Variants in PLXDC2 observed in about 807,000 individuals in gnomAD.
The protein encoded by PLXDC2 is plexin domain-containing protein 2.
PLXDC2 carries 40 observed loss-of-function variants against 68.9 expected under a neutral mutation model. The observed-to-expected ratio is 0.58, with a 90% CI of 0.45 to 0.76. The LOEUF (loss-of-function observed/expected upper bound fraction) is 0.76. Ranked by LOEUF, PLXDC2 falls within the 30% of genes least tolerant of loss-of-function variation. The probability of loss-of-function intolerance (pLI) is 0.00; values close to 1 mark genes in which losing one functional copy is unlikely to be tolerated. For missense variants in PLXDC2, 644 were observed against 661.9 expected (o/e 0.97, Z 0.30); for synonymous variants, 243 against 234.2 (o/e 1.04, Z -0.34).
intron 4 of PLXDC2, among the ~76,000 whole-genome samples, chr10:20,105,657 C>T (rs1833482160): frequency 1.3e-5 from 2 of 152,124 alleles, no homozygotes; most frequent in Non-Finnish European, 2.9e-5. Flanking sequence ...CCCCTACCCC[C>T]ACCTCACCTT....
chr10:19,994,250 C>G (rs71482205), intron 1 of PLXDC2, among the ~76,000 whole-genome samples: 1 of 56,980 alleles, frequency 1.8e-5, no homozygotes, highest in Non-Finnish European at 3.4e-5. Context: ...CCATTGTATT[C>G]TCCTTTTTTT....
At chr10:19,860,793 G>A (rs559091622) in intron 1 of PLXDC2, among the ~76,000 whole-genome samples, 10 of 152,216 alleles carry the variant, frequency 6.6e-5, no homozygotes, top group East Asian at 1.9e-4. Context: ...TCTCTTTTGC[G>A]TTGCAAGCAT....
At position 19,974,702 on chromosome 10, in the gene PLXDC2, A is replaced by G. The variant is rs79659704; in HGVS notation, c.113-27073A>G. Among the ~76,000 whole-genome samples, 199 of 152,332 alleles carry G rather than the reference A, an allele frequency of 1.3e-3. 1 individual carries two copies. In the East Asian group the frequency reaches 0.034, roughly 26 times the overall value. On this transcript the variant is annotated intron_variant, in intron 1 of 13. Transcript: ENST00000377252. ...AGCCACTTATAAACGCTGTAAGGGC[A>G]GGGACCGGGTCTGGTTTGCTTACCA...
At chr10:19,908,176 C>T (rs1165504793) in intron 1 of PLXDC2, among the ~76,000 whole-genome samples, 1 of 151,962 alleles carries the variant, frequency 6.6e-6, no homozygotes, top group Non-Finnish European at 1.5e-5. Context: ...TGTTATTATA[C>T]CACAAAATTT....
chr10:20,265,934 C>T (rs1487473142), intron 13 of PLXDC2, among the ~76,000 whole-genome samples: 1 of 152,070 alleles, frequency 6.6e-6, no homozygotes, highest in Non-Finnish European at 1.5e-5. Flanking sequence ...ATACGGTCCC[C>T]GGAGAATGGA....
At chr10:19,995,022 C>T (rs149431602) in intron 1 of PLXDC2, among the ~76,000 whole-genome samples, 19 of 152,228 alleles carry the variant, frequency 1.2e-4, no homozygotes, top group East Asian at 1.2e-3. Context: ...GGATTACAGG[C>T]GTGAGCCACA....
At chr10:19,892,494 A>T (rs1837982733) in intron 1 of PLXDC2, among the ~76,000 whole-genome samples, 1 of 152,184 alleles carries the variant, frequency 6.6e-6, no homozygotes, top group African/African-American at 2.4e-5. Context: ...ATGCAGGAAG[A>T]CTTCAGATGT....
rs764492882 is a variant in PLXDC2, at chr10:20,008,484, C to T, written c.324+6498C>T. ...AGGAGAACTGCTTGAACCTGGGAGGCGGAAGTTGCAGTGAGCCGAGATCGT... is the reference window on the plus strand; with the variant it reads ...AGGAGAACTGCTTGAACCTGGGAGGTGGAAGTTGCAGTGAGCCGAGATCGT... On this transcript the variant is annotated intron_variant, in intron 2 of 13. Coordinates refer to ENST00000377252, the MANE Select transcript of PLXDC2 (RefSeq NM_032812.9). Among the ~76,000 whole-genome samples the T allele has an allele frequency of 2.6e-5, 4 of 151,992 alleles. No individual in the cohort carries two copies. In the South Asian group the frequency reaches 8.3e-4, roughly 32 times the overall value.
chr10:19,865,093 G>T (rs1837389520), intron 1 of PLXDC2, among the ~76,000 whole-genome samples: 1 of 152,180 alleles, frequency 6.6e-6, no homozygotes, highest in Admixed American at 6.5e-5. Flanking sequence ...TTCTTCTTTA[G>T]TTGTTTTAAC....
intron 1 of PLXDC2, among the ~76,000 whole-genome samples, chr10:19,951,695 A>G (rs1833994980): frequency 6.6e-6 from 1 of 152,220 alleles, no homozygotes; most frequent in Non-Finnish European, 1.5e-5. Flanking sequence ...AGACACTTGT[A>G]CTTGTATGTT....
intron 4 of PLXDC2, among the ~76,000 whole-genome samples, chr10:20,082,050 AAAAAAAAAAAAATC>A (rs1487124767): frequency 7.0e-5 from 10 of 142,018 alleles, no homozygotes; most frequent in African/African-American, 2.1e-4. Flanking sequence ...CATCTGAAAA[AAAAAAAAAAAAATC>A]AAAAAAAAAA....
intron 1 of PLXDC2, among the ~76,000 whole-genome samples, chr10:19,874,839 G>A (rs914804690): frequency 1.3e-5 from 2 of 152,156 alleles, no homozygotes; most frequent in African/African-American, 4.8e-5. Context: ...GGGATATCTG[G>A]CCCGACTGTC....
At chr10:19,847,994 G>A (rs1000991961) in intron 1 of PLXDC2, among the ~76,000 whole-genome samples, 13 of 152,040 alleles carry the variant, frequency 8.6e-5, no homozygotes, top group African/African-American at 3.1e-4. Flanking sequence ...GAACAAAATA[G>A]TCCCCTACCC....
At chr10:19,972,859 G>A (rs1834377951) in intron 1 of PLXDC2, among the ~76,000 whole-genome samples, 1 of 152,116 alleles carries the variant, frequency 6.6e-6, no homozygotes, top group Non-Finnish European at 1.5e-5. Context: ...GCTTTTTACT[G>A]CACTGATGAA....
chr10:19,976,279 T>G (rs1052201931), intron 1 of PLXDC2, among the ~76,000 whole-genome samples: 3 of 152,106 alleles, frequency 2.0e-5, no homozygotes, highest in Non-Finnish European at 4.4e-5. Context: ...AGTGGTGCGA[T>G]CTTGGCTCAC....
chr10:19,931,519 T>C (rs1265633401), intron 1 of PLXDC2, among the ~76,000 whole-genome samples: 2 of 152,202 alleles, frequency 1.3e-5, no homozygotes, highest in Non-Finnish European at 2.9e-5. Flanking sequence ...TTTAAAGGAA[T>C]CCTTCAGCAA....
At chr10:20,279,664 C>A (rs759204877) in intron 13 of PLXDC2, 39 bp from the exon 14 acceptor site, 1 of 1,535,122 alleles carries the variant, frequency 6.5e-7, no homozygotes. Context: ...AGAATCTTAC[C>A]CTGACGCACA....
chr10:20,217,624 T>TC (rs754533804), intron 11 of PLXDC2, 48 bp downstream of exon 11: 53 of 1,207,456 alleles, frequency 4.4e-5, no homozygotes, highest in South Asian at 3.7e-4. Context: ...TTTTTTTTTT[T>TC]CCCTGAAGGA....
chr10:20,088,337 T>A (rs1308454667), intron 4 of PLXDC2, among the ~76,000 whole-genome samples: 1 of 152,214 alleles, frequency 6.6e-6, no homozygotes, highest in Non-Finnish European at 1.5e-5. Flanking sequence ...ATTTGTAGCC[T>A]TGCAATTAAG....
Sources: allele counts gnomAD v4.1 joint callset (sites outside exome capture counted in the v4.1 genomes callset), GRCh38; gene constraint gnomAD v4.1.1; transcripts MANE v1.5; gene names NCBI Gene and HGNC (gene_info 2026-07-23, HGNC 2026-07-21).